FOXP1: variants seen among roughly 807,000 people sequenced by gnomAD.
The protein encoded by FOXP1 is forkhead box protein P1.
A neutral mutation model predicts 98.2 loss-of-function variants in FOXP1; 15 were observed. The ratio of observed to expected loss-of-function variants is 0.15; its 90% CI spans 0.10 to 0.24. The LOEUF (loss-of-function observed/expected upper bound fraction) is 0.24, where lower values mean the gene tolerates loss of function less well. Among genes scored for constraint, FOXP1 ranks in the 10% least tolerant of loss-of-function variants. The pLI, the probability that FOXP1 is intolerant of heterozygous loss-of-function variation, is 1.00. For synonymous variants in FOXP1, 371 were observed against 314.5 expected, an observed-to-expected ratio of 1.18 and a Z score of -1.90; for missense variants, 633 against 848.5, an observed-to-expected ratio of 0.75 and a Z score of 3.15.
chr3:71,108,315 C>G (rs2057612578), intron 7 of FOXP1, among the ~76,000 whole-genome samples: 2 of 152,154 alleles, frequency 1.3e-5, no homozygotes, highest in Admixed American at 1.3e-4. Context: ...AAACGGTGGT[C>G]AAAGTTCCAA....
intron 5 of FOXP1, among the ~76,000 whole-genome samples, chr3:71,286,940 A>T (rs2072208361): frequency 6.6e-6 from 1 of 152,212 alleles, no homozygotes; most frequent in Admixed American, 6.5e-5. Flanking sequence ...TTATCTCGAG[A>T]TGTCCAACAC....
chr3:71,436,271 G>T (rs531160832), intron 3 of FOXP1, among the ~76,000 whole-genome samples: 8 of 152,178 alleles, frequency 5.3e-5, no homozygotes, highest in African/African-American at 1.9e-4. Context: ...ATCCCTCTGA[G>T]ATCAACAAAG....
rs1263557430 is a variant in FOXP1, at chr3:71,227,734, A to T, written c.-11-29342T>A. On this transcript the variant is annotated intron_variant, in intron 5 of 20. Coordinates refer to ENST00000649528, the MANE Select transcript of FOXP1 (RefSeq NM_001349338.3). ...GTTACCATCATGCTCAATGTTTTTA[A>T]AAAAAAAAAAAAACAGTCAAAGGAG... Among the ~76,000 whole-genome samples, 425 of 144,492 alleles carry T rather than the reference A, an allele frequency of 2.9e-3. 3 individuals are homozygous for T. The highest frequency in any genetic ancestry group is 4.9e-3 in the South Asian group (23 of 4,676). The allele number at this position is 144,492 out of a possible 152,430, so 94.8% of individuals were successfully genotyped here. A position where few individuals can be genotyped will look rare whatever the true frequency, so the allele number is the denominator to read the frequency against.
At chr3:71,511,793 G>A (rs375317288) in intron 2 of FOXP1, among the ~76,000 whole-genome samples, 2 of 152,138 alleles carry the variant, frequency 1.3e-5, no homozygotes, top group Non-Finnish European at 2.9e-5. Flanking sequence ...ATTTTTAAAA[G>A]AGAAACTTGA....
At chr3:71,557,527 C>T (rs2046229863) in intron 2 of FOXP1, among the ~76,000 whole-genome samples, 3 of 152,180 alleles carry the variant, frequency 2.0e-5, no homozygotes, top group Admixed American at 2.0e-4. Context: ...GAAAAGGTGC[C>T]CTTCTGTGTG....
At chr3:71,047,848 T>C (rs1275728841) in intron 9 of FOXP1, among the ~76,000 whole-genome samples, 2 of 152,212 alleles carry the variant, frequency 1.3e-5, no homozygotes, top group Non-Finnish European at 1.5e-5. Context: ...CTTTACGATA[T>C]GATAAATATC....
At chr3:71,461,630 G>A (rs754491838) in intron 3 of FOXP1, among the ~76,000 whole-genome samples, 2 of 151,844 alleles carry the variant, frequency 1.3e-5, no homozygotes, top group African/African-American at 4.8e-5. Context: ...ATGAAACCCC[G>A]TCTCTACTAA....
chr3:71,056,837 GAGC>G (rs1049376440), intron 7 of FOXP1, among the ~76,000 whole-genome samples: 5 of 151,938 alleles, frequency 3.3e-5, no homozygotes, highest in African/African-American at 9.7e-5. Context: ...AAAAAAATCT[GAGC>G]AGTTTTTAAG....
intron 6 of FOXP1, among the ~76,000 whole-genome samples, chr3:71,165,576 G>A (rs545406872): frequency 6.6e-6 from 1 of 152,086 alleles, no homozygotes; most frequent in African/African-American, 2.4e-5. Flanking sequence ...AAATTTCTTC[G>A]AAGACAGAAG....
intron 2 of FOXP1, among the ~76,000 whole-genome samples, chr3:71,535,181 G>A (rs1002439886): frequency 6.6e-6 from 1 of 152,188 alleles, no homozygotes; most frequent in Non-Finnish European, 1.5e-5. Context: ...CAAACCAGGT[G>A]CATCTGGCCC....
intron 6 of FOXP1, among the ~76,000 whole-genome samples, chr3:71,179,620 C>T (rs373891547): frequency 2.6e-5 from 4 of 152,306 alleles, no homozygotes; most frequent in East Asian, 3.9e-4. Flanking sequence ...AATTAACCCT[C>T]ACAATTCTCA....
At chr3:71,226,160 G>A (rs1471881203) in intron 5 of FOXP1, among the ~76,000 whole-genome samples, 1 of 152,176 alleles carries the variant, frequency 6.6e-6, no homozygotes, top group African/African-American at 2.4e-5. Context: ...GCTGCTGGAC[G>A]CCTCTGAGGA....
chr3:70,978,359 G>A (rs140366141), intron 14 of FOXP1, among the ~76,000 whole-genome samples: 512 of 150,440 alleles, frequency 3.4e-3, no homozygotes, highest in African/African-American at 0.012. Context: ...GGCTTTGATC[G>A]CCCATCAGGC....
rs964354406 is a variant in FOXP1 at position 70,978,032 on chromosome 3, G to A, written c.1147-3C>T. On this transcript the variant is annotated splice_polypyrimidine_tract_variant and splice_region_variant and intron_variant, in intron 14 of 20. Transcript: ENST00000649528. ...GTGACACTTGATACCAGATTCAACT[G>A]CAAGGAAAAAAACAACGTCTTAGAA... 1 of 1,613,594 alleles carries A rather than the reference G, an allele frequency of 6.2e-7. No homozygotes were observed. Among genetic ancestry groups the A allele is most frequent in the African/African-American group, 1.3e-5 (1 of 75,038 alleles).
intron 4 of FOXP1, among the ~76,000 whole-genome samples, chr3:71,328,355 C>T (rs1271776000): frequency 1.3e-5 from 2 of 152,212 alleles, no homozygotes; most frequent in African/African-American, 4.8e-5. Flanking sequence ...GTGCTCCACA[C>T]ATAGATCTTA....
chr3:71,085,735 C>CTTTTTTTTTTTTTTTTT lies in FOXP1; in HGVS notation c.282+26800_282+26801insAAAAAAAAAAAAAAAAA, dbSNP rs56318177. Among the ~76,000 whole-genome samples, 86 of 37,032 alleles carry CTTTTTTTTTTTTTTTTT rather than the reference C, an allele frequency of 2.3e-3. 36 individuals carry two copies. Among genetic ancestry groups the CTTTTTTTTTTTTTTTTT allele is most frequent in the South Asian group, 0.011 (8 of 736 alleles). 24.3% of individuals were successfully genotyped at this position (37,032 alleles called of 152,430 possible). On this transcript the variant is annotated intron_variant, in intron 7 of 20. Transcript: ENST00000649528. The stretch of plus-strand genomic sequence containing the variant: ...TTGTATGGTGGGTATCATTTATGGC[C>CTTTTTTTTTTTTTTTTT]TTTTTTTTTTTTTTACATGGAGTCT...
At chr3:71,329,740 A>T (rs1560316086) in intron 4 of FOXP1, 1 of 152,204 alleles carries the variant, frequency 6.6e-6, no homozygotes, top group Non-Finnish European at 1.5e-5. Context: ...CACTGAGAAG[A>T]GTTACAGGGA....
At chr3:71,095,767 C>T (rs2107633076) in intron 7 of FOXP1, among the ~76,000 whole-genome samples, 1 of 152,244 alleles carries the variant, frequency 6.6e-6, no homozygotes, top group South Asian at 2.1e-4. Context: ...TCTGGTGAGA[C>T]ACAGTATTTC....
At position 71,284,494 on chromosome 3, in the gene FOXP1, T is replaced by G. The variant is rs115558136; in HGVS notation, c.-12+15326A>C. 7.5e-3 allele frequency among the ~76,000 whole-genome samples: 1,144 copies of G among 152,246 alleles called. 22 individuals are homozygous for G. The highest frequency in any genetic ancestry group is 0.027 in the African/African-American group (1,105 of 41,564). On this transcript the variant is annotated intron_variant, in intron 5 of 20. Coordinates refer to ENST00000649528, the MANE Select transcript of FOXP1 (RefSeq NM_001349338.3). ...GGAAGGATCACTTGAGCCTGAGAGA[T>G]CAAGGCTGTAGTGAGCTATAATCAT...
Sources: gnomAD v4.1 joint callset for allele counts (sites outside exome capture counted in the v4.1 genomes callset) on GRCh38, gnomAD v4.1.1 for gene constraint, MANE v1.5 for transcripts, NCBI Gene and HGNC (gene_info 2026-07-23, HGNC 2026-07-21) for gene names.